STAC: variants seen among roughly 807,000 people sequenced by gnomAD.
STAC encodes SH3 and cysteine rich domain.
In STAC, 43 loss-of-function variants were observed where a neutral mutation model predicts 48.8. The observed-to-expected ratio is 0.88, with a 90% CI of 0.69 to 1.14. The LOEUF (loss-of-function observed/expected upper bound fraction) is 1.14, where lower values mean the gene tolerates loss of function less well. Ranked by LOEUF, STAC falls within the 50% of genes most tolerant of loss-of-function variation. The pLI is 0.00. For missense variants in STAC, 497 were observed against 504.0 expected (o/e 0.99, Z 0.13); for synonymous variants, 193 against 179.5 (o/e 1.07, Z -0.60).
intron 2 of STAC, among the ~76,000 whole-genome samples, chr3:36,444,668 C>T (rs1252164205): frequency 1.3e-5 from 2 of 152,170 alleles, no homozygotes; most frequent in African/African-American, 4.8e-5. Flanking sequence ...CCCCACCTGC[C>T]GTCTCTAGTA....
chr3:36,541,679 A>C (rs1699330201), intron 10 of STAC, among the ~76,000 whole-genome samples: 1 of 152,196 alleles, frequency 6.6e-6, no homozygotes, highest in African/African-American at 2.4e-5. Context: ...AAATTGAGTA[A>C]GGCATTCGAA....
chr3:36,387,975 C>T (rs1488850001), intron 1 of STAC, among the ~76,000 whole-genome samples: 3 of 152,066 alleles, frequency 2.0e-5, no homozygotes, highest in Non-Finnish European at 2.9e-5. Context: ...ATTCCAGTTT[C>T]TCTGCATCCT....
intron 8 of STAC, among the ~76,000 whole-genome samples, chr3:36,509,094 T>C (rs1390140315): frequency 6.6e-6 from 1 of 152,202 alleles, no homozygotes; most frequent in African/African-American, 2.4e-5. Context: ...CTTCAGGAGC[T>C]CTTACAAGGC....
chr3:36,504,768 C>G (rs139010291), intron 7 of STAC, among the ~76,000 whole-genome samples: 286 of 151,922 alleles, frequency 1.9e-3, no homozygotes, highest in African/African-American at 6.5e-3. Context: ...ATTTACATAT[C>G]TAAAATTTAG....
intron 2 of STAC, among the ~76,000 whole-genome samples, chr3:36,453,456 C>G (rs1205309077): frequency 6.6e-6 from 1 of 152,216 alleles, no homozygotes; most frequent in Non-Finnish European, 1.5e-5. Flanking sequence ...GCCGGCCCCA[C>G]CGGCCCCGGG....
chr3:36,462,458 A>G (rs1697046259), intron 2 of STAC, among the ~76,000 whole-genome samples: 1 of 152,184 alleles, frequency 6.6e-6, no homozygotes, highest in Non-Finnish European at 1.5e-5. Flanking sequence ...AATAGTATTT[A>G]AAGGCATAAG....
intron 3 of STAC, 58 bp from the exon 4 acceptor site, chr3:36,484,919 T>G (rs982822584): frequency 1.4e-6 from 2 of 1,419,210 alleles, no homozygotes; most frequent in Non-Finnish European, 1.9e-6. Context: ...GGAGCTCTTG[T>G]ATGGTTTTCT....
At chr3:36,433,101 G>A (rs180845811) in intron 1 of STAC, among the ~76,000 whole-genome samples, 28 of 152,296 alleles carry the variant, frequency 1.8e-4, no homozygotes, top group East Asian at 1.2e-3. Context: ...TGGGGGTCAC[G>A]TAGGAGGGAC....
chr3:36,465,883 T>G (rs1437166148), intron 2 of STAC, among the ~76,000 whole-genome samples: 4 of 152,158 alleles, frequency 2.6e-5, no homozygotes, highest in Non-Finnish European at 5.9e-5. Flanking sequence ...TAAGGGTGGA[T>G]CTACCTTCCC....
chr3:36,521,209 G>C (rs1445129843), intron 8 of STAC, among the ~76,000 whole-genome samples: 1 of 151,956 alleles, frequency 6.6e-6, no homozygotes, highest in Non-Finnish European at 1.5e-5. Context: ...TAATGAATGA[G>C]AAAGGGCAGG....
intron 8 of STAC, among the ~76,000 whole-genome samples, chr3:36,523,027 G>A (rs1267983222): frequency 6.6e-6 from 1 of 152,148 alleles, no homozygotes; most frequent in Non-Finnish European, 1.5e-5. Context: ...GGAAGAGATG[G>A]TTCCAATGCC....
intron 1 of STAC, among the ~76,000 whole-genome samples, chr3:36,420,970 G>A (rs941780999): frequency 6.6e-6 from 1 of 151,994 alleles, no homozygotes; most frequent in Admixed American, 6.6e-5. Context: ...ATCATAAATG[G>A]TAATTTGTCT....
intron 8 of STAC, among the ~76,000 whole-genome samples, chr3:36,507,233 T>C (rs1417611044): frequency 2.0e-5 from 3 of 152,178 alleles, no homozygotes; most frequent in Non-Finnish European, 4.4e-5. Context: ...TATTGATTTG[T>C]GTATATTGAA....
chr3:36,469,582 C>A (rs1334904294), intron 2 of STAC, among the ~76,000 whole-genome samples: 1 of 152,116 alleles, frequency 6.6e-6, no homozygotes, highest in Non-Finnish European at 1.5e-5. Flanking sequence ...TGATGAATTT[C>A]CCAGGTGTTC....
At chr3:36,482,882 A>T (rs573200991) in intron 2 of STAC, 110 bp from the exon 3 acceptor site, 2 of 694,970 alleles carry the variant, frequency 2.9e-6, no homozygotes, top group South Asian at 3.8e-5. Flanking sequence ...AGCTTCATGA[A>T]AAAGTTGTAG....
intron 2 of STAC, among the ~76,000 whole-genome samples, chr3:36,452,992 C>A (rs930093194): frequency 1.3e-5 from 2 of 152,154 alleles, no homozygotes; most frequent in Admixed American, 1.3e-4. Flanking sequence ...GTGATCAGAC[C>A]GGAATGTCCT....
intron 1 of STAC, among the ~76,000 whole-genome samples, chr3:36,397,195 T>A (rs17035006): frequency 0.43 from 65,500 of 151,930 alleles, 14,295 homozygotes; most frequent in African/African-American, 0.49. Context: ...CCTATAAGTC[T>A]TTTTGTCAGA....
chr3:36,450,998 A>T (rs948844319), intron 2 of STAC, among the ~76,000 whole-genome samples: 4 of 151,862 alleles, frequency 2.6e-5, no homozygotes, highest in South Asian at 2.1e-4. Flanking sequence ...TTGTTTTTAG[A>T]TTTCTTTTTT....
chr3:36,430,592 T>C (rs1265097601), intron 1 of STAC, among the ~76,000 whole-genome samples: 3 of 152,192 alleles, frequency 2.0e-5, no homozygotes, highest in African/African-American at 7.2e-5. Flanking sequence ...TTATTGCAAT[T>C]GATGTTTTAG....
Sources: gnomAD v4.1 joint callset for allele counts (sites outside exome capture counted in the v4.1 genomes callset) on GRCh38, gnomAD v4.1.1 for gene constraint, MANE v1.5 for transcripts, NCBI Gene and HGNC (gene_info 2026-07-23, HGNC 2026-07-21) for gene names.